The following SLC18B1 variants were observed in gnomAD, a reference collection of about 807,000 sequenced individuals.
The protein encoded by SLC18B1 is MFS-type transporter SLC18B1.
Under a neutral mutation model 53.9 loss-of-function variants are expected in SLC18B1, and 62 were observed. That is an observed-to-expected ratio of 1.15 (90% CI 0.94 to 1.42). SLC18B1 has a LOEUF of 1.42. Ranked by LOEUF, SLC18B1 falls within the 40% of genes most tolerant of loss-of-function variation. SLC18B1 has a pLI of 0.00. For missense variants in SLC18B1, 598 were observed against 547.3 expected, an observed-to-expected ratio of 1.09 and a Z score of -0.93; for synonymous variants, 217 against 200.9, an observed-to-expected ratio of 1.08 and a Z score of -0.68.
chr6:132,790,053 G>T, intron 3 of SLC18B1, 124 bp downstream of exon 3: 1 of 803,074 alleles, frequency 1.2e-6, no homozygotes, highest in East Asian at 2.7e-5. Flanking sequence ...GTCAACACTG[G>T]CACAATTTAT....
chr6:132,796,495 C>T (rs1389243498), intron 2 of SLC18B1, among the ~76,000 whole-genome samples: 2 of 143,352 alleles, frequency 1.4e-5, no homozygotes, highest in African/African-American at 5.2e-5. Context: ...CATTGCACTC[C>T]AGCCTGGGCA....
rs1781410090 is a variant in SLC18B1 at position 132,787,580 on chromosome 6, C to G, written c.355G>C (p.Val119Leu). The change falls in exon 5 of 14, where the codon GTA becomes CTA. Residue 119 changes from valine to leucine, a missense_variant and splice_region_variant. Physicochemically the swap from Val to Leu is conservative, Grantham distance 32. Transcript: ENST00000275227. ...VSGGVTILFG[V>L]LDRVPDGPVF... ...GGCCCATCTGGAACTCGGTCCAATA[C>G]ACTAAAAAGGAATAAGACAATTCTG... 3 of 1,563,386 alleles carry G rather than the reference C, an allele frequency of 1.9e-6. No individual in the cohort carries two copies. Among genetic ancestry groups the G allele is most frequent in the Non-Finnish European group, 2.6e-6 (3 of 1,161,768 alleles).
rs201800566 is a variant in SLC18B1 at position 132,772,176 on chromosome 6, T to A, written c.1116A>T (p.Thr372=). Residue 372 remains threonine, a synonymous_variant, in exon 11 of 14, where the codon ACA becomes ACT. Coordinates refer to ENST00000275227, the MANE Select transcript of SLC18B1 (RefSeq NM_052831.3). ...TAAAAAGACCTGATACAAGTCCCAA[T>A]GTACTTAATCCCTCTTCAAACCCAT... ...HENGFEEGLS[T]LGLVSGLFSA... is the part of the protein sequence containing the mutation. 1.3e-6 allele frequency: 2 copies of A among 1,581,564 alleles called. No individual in the cohort carries two copies. Among genetic ancestry groups the A allele is most frequent in the Non-Finnish European group, 1.7e-6 (2 of 1,168,844 alleles).
At chr6:132,796,931 AAAAC>A (rs760289825) in intron 2 of SLC18B1, 47 bp downstream of exon 2, 67 of 1,553,706 alleles carry the variant, frequency 4.3e-5, no homozygotes, top group Middle Eastern at 3.5e-4. Flanking sequence ...AGGCTTTTAA[AAAAC>A]AAACAAACAA....
At chr6:132,779,884 A>C (rs1781188554) in intron 6 of SLC18B1, among the ~76,000 whole-genome samples, 1 of 152,200 alleles carries the variant, frequency 6.6e-6, no homozygotes, top group African/African-American at 2.4e-5. Context: ...ACATGGCTGC[A>C]GGCAAGAGAG....
At chr6:132,773,989 G>A (rs551057227) in intron 9 of SLC18B1, among the ~76,000 whole-genome samples, 78 of 152,244 alleles carry the variant, frequency 5.1e-4, no homozygotes, top group African/African-American at 1.6e-3. Flanking sequence ...AATACAGAAG[G>A]AGAATATGCA....
chr6:132,773,234 C>T (rs1460509588), intron 9 of SLC18B1, 146 bp from the exon 10 acceptor site: 2 of 346,608 alleles, frequency 5.8e-6, no homozygotes, highest in East Asian at 6.1e-5. Flanking sequence ...TCCCATCTAA[C>T]CCATTTCATT....
chr6:132,796,042 G>A (rs1443041647), intron 2 of SLC18B1, among the ~76,000 whole-genome samples: 1 of 151,938 alleles, frequency 6.6e-6, no homozygotes, highest in South Asian at 2.1e-4. Flanking sequence ...GCAAAAACCT[G>A]TCTCTACTAA....
At chr6:132,794,782 T>C (rs1453797264) in intron 2 of SLC18B1, among the ~76,000 whole-genome samples, 1 of 152,152 alleles carries the variant, frequency 6.6e-6, no homozygotes, top group Non-Finnish European at 1.5e-5. Flanking sequence ...GGTGGACGGA[T>C]TGCTTGAGCT....
intron 6 of SLC18B1, among the ~76,000 whole-genome samples, chr6:132,781,132 T>C (rs2114670274): frequency 6.6e-6 from 1 of 152,344 alleles, no homozygotes; most frequent in Non-Finnish European, 1.5e-5. Context: ...AGAAGTATTA[T>C]GTATTTACGG....
chr6:132,790,618 C>G (rs1012263689), intron 2 of SLC18B1, among the ~76,000 whole-genome samples: 5 of 152,244 alleles, frequency 3.3e-5, no homozygotes, highest in Non-Finnish European at 7.4e-5. Flanking sequence ...ACTGAGGAAA[C>G]AGCTGATTCA....
At chr6:132,796,818 C>G in intron 2 of SLC18B1, among the ~76,000 whole-genome samples, 164 bp downstream of exon 2, 1 of 152,036 alleles carries the variant, frequency 6.6e-6, no homozygotes, top group East Asian at 1.9e-4. Flanking sequence ...TTCCTGGTAT[C>G]AGGCATTCTA....
chr6:132,776,108 C>T (rs1332812758), intron 8 of SLC18B1, among the ~76,000 whole-genome samples: 2 of 152,104 alleles, frequency 1.3e-5, no homozygotes, highest in African/African-American at 2.4e-5. Context: ...TTTTTTTAAG[C>T]ATAAGACTCT....
intron 2 of SLC18B1, among the ~76,000 whole-genome samples, chr6:132,794,934 G>A (rs6928933): frequency 0.095 from 14,385 of 152,176 alleles, 1,084 homozygotes; most frequent in African/African-American, 0.21. Context: ...AGCCTGGGAA[G>A]TTGAGGCAGC....
At chr6:132,789,596 G>A (rs1781470824) in intron 4 of SLC18B1, 168 bp downstream of exon 4, 1 of 541,224 alleles carries the variant, frequency 1.8e-6, no homozygotes, top group Admixed American at 3.1e-5. Context: ...TAAAATCAAT[G>A]CCATTTATCC....
chr6:132,774,965 C>G (rs1219363750), intron 8 of SLC18B1, among the ~76,000 whole-genome samples: 2 of 152,036 alleles, frequency 1.3e-5, no homozygotes, highest in Admixed American at 1.3e-4. Context: ...GTTACAATAC[C>G]TAGAAAAATC....
chr6:132,772,212 A>T lies in SLC18B1; in HGVS notation c.1086-6T>A. 1 of 1,552,658 alleles carries T rather than the reference A, an allele frequency of 6.4e-7. No individual in the cohort carries two copies. The highest frequency in any genetic ancestry group is 8.7e-7 in the Non-Finnish European group (1 of 1,155,918). ...CCTCTTCAAACCCATTTTCACTGCAAAAAGAGACATGAGTGTATCCATTAT... is the reference window on the plus strand; with the variant it reads ...CCTCTTCAAACCCATTTTCACTGCATAAAGAGACATGAGTGTATCCATTAT... On this transcript the variant is annotated splice_region_variant and splice_polypyrimidine_tract_variant and intron_variant, in intron 10 of 13. Transcript: ENST00000275227.
intron 6 of SLC18B1, among the ~76,000 whole-genome samples, chr6:132,781,146 GAAAT>G (rs2114670297): frequency 6.6e-6 from 1 of 152,234 alleles, no homozygotes; most frequent in African/African-American, 2.4e-5. Context: ...TTTACGGTAA[GAAAT>G]AAATCATTAT....
chr6:132,781,918 T>G (rs1272335116), intron 6 of SLC18B1, among the ~76,000 whole-genome samples: 1 of 152,020 alleles, frequency 6.6e-6, no homozygotes. Context: ...CCAGGTGCAG[T>G]GGCTCACACC....
Sources: allele counts gnomAD v4.1 joint callset (sites outside exome capture counted in the v4.1 genomes callset), GRCh38; gene constraint gnomAD v4.1.1; transcripts MANE v1.5; gene names NCBI Gene and HGNC (gene_info 2026-07-23, HGNC 2026-07-21).